The following PDE10A variants were observed in gnomAD, a reference collection of about 807,000 sequenced individuals.
PDE10A encodes cAMP and cAMP-inhibited cGMP 3',5'-cyclic phosphodiesterase 10A.
A neutral mutation model predicts 97.7 loss-of-function variants in PDE10A; 39 were observed. The observed-to-expected ratio is 0.40, with a 90% confidence interval of 0.31 to 0.52. PDE10A has a LOEUF of 0.52. PDE10A is among the 20% of genes least tolerant of loss of function. The pLI is 0.56. For missense variants in PDE10A, 731 were observed against 1,047.8 expected (o/e 0.70, Z 4.17); for synonymous variants, 371 against 376.8 (o/e 0.98, Z 0.18).
intron 1 of PDE10A, among the ~76,000 whole-genome samples, chr6:165,763,199 A>G (rs2128458366): frequency 6.6e-6 from 1 of 152,274 alleles, no homozygotes; most frequent in East Asian, 1.9e-4. Flanking sequence ...TGTATCATGT[A>G]ACTTTTTCAT....
intron 1 of PDE10A, among the ~76,000 whole-genome samples, chr6:165,710,170 C>CCCA (rs1187212480): frequency 1.3e-5 from 2 of 152,150 alleles, no homozygotes; most frequent in African/African-American, 4.8e-5. Context: ...ATGCTCTAAG[C>CCCA]CCACGCAGCA....
At chr6:165,943,329 A>AAAAG (rs746117595) in intron 1 of PDE10A, among the ~76,000 whole-genome samples, 2 of 65,982 alleles carry the variant, frequency 3.0e-5, no homozygotes, top group Admixed American at 2.5e-4. Context: ...GAAAGAAAGA[A>AAAAG]AAAGAAAGAA....
chr6:165,416,914 A>G (rs888633366), intron 11 of PDE10A, among the ~76,000 whole-genome samples: 3 of 152,216 alleles, frequency 2.0e-5, no homozygotes, highest in Non-Finnish European at 4.4e-5. Flanking sequence ...TGTTTTTTAT[A>G]TCTAATATCA....
intron 1 of PDE10A, among the ~76,000 whole-genome samples, chr6:165,923,690 C>A (rs572925253): frequency 2.9e-4 from 44 of 152,094 alleles, no homozygotes; most frequent in Non-Finnish European, 5.6e-4. Flanking sequence ...TCTCAATGAA[C>A]ATGGGAAGAG....
chr6:165,940,169 G>A (rs1041137898), intron 1 of PDE10A: 3 of 152,212 alleles, frequency 2.0e-5, no homozygotes, highest in Non-Finnish European at 4.4e-5. Flanking sequence ...TGTCCGCTTT[G>A]CATTCAGAAT....
intron 17 of PDE10A, among the ~76,000 whole-genome samples, chr6:165,384,647 TGTGTGTGTGTGTGTGTGTGTGTATG>T (rs1219290345): frequency 0.014 from 773 of 56,848 alleles, 44 homozygotes; most frequent in African/African-American, 0.062. Context: ...TGTGTGTGTG[TGTGTGTGTGTGTGTGTGTGTGTATG>T]GGGGGGGGCG....
chr6:165,958,592 A>G (rs1372262037), intron 1 of PDE10A, among the ~76,000 whole-genome samples: 1 of 143,234 alleles, frequency 7.0e-6, no homozygotes. Flanking sequence ...ACAGAAAGAG[A>G]GAAAGAAAGA....
At chr6:165,715,741 GCAAAGGACCCT>G (rs1265662832) in intron 1 of PDE10A, among the ~76,000 whole-genome samples, 2 of 152,212 alleles carry the variant, frequency 1.3e-5, no homozygotes, top group African/African-American at 4.8e-5. Flanking sequence ...TGCATAGAAA[GCAAAGGACCCT>G]CAATCACTCG....
At chr6:165,765,637 A>G (rs912268018) in intron 1 of PDE10A, among the ~76,000 whole-genome samples, 3 of 152,090 alleles carry the variant, frequency 2.0e-5, no homozygotes, top group African/African-American at 7.2e-5. Context: ...CAAGCGCCAC[A>G]TGCAGCCCCG....
At chr6:165,438,097 T>C (rs828083) in intron 5 of PDE10A, among the ~76,000 whole-genome samples, 30,161 of 152,220 alleles carry the variant, frequency 0.2, 3,270 homozygotes, top group Admixed American at 0.28. Context: ...TCAAGTAGGA[T>C]GTCATGGGCT....
chr6:165,850,496 A>G (rs2128474778), intron 1 of PDE10A, among the ~76,000 whole-genome samples: 1 of 152,258 alleles, frequency 6.6e-6, no homozygotes, highest in South Asian at 2.1e-4. Flanking sequence ...CACACGGTAA[A>G]ACCATATAAA....
chr6:165,978,152 A>G (rs553063281), intron 1 of PDE10A, among the ~76,000 whole-genome samples: 1 of 152,294 alleles, frequency 6.6e-6, no homozygotes, highest in African/African-American at 2.4e-5. Flanking sequence ...CTTGGTGTTT[A>G]TTTATGTTAA....
rs1583306721 is a variant in PDE10A at position 165,450,225 on chromosome 6, C to T, written c.1144+17G>A. On this transcript the variant is annotated intron_variant, in intron 4 of 21. Coordinates refer to ENST00000539869, the MANE Select transcript of PDE10A (RefSeq NM_001385079.1). ...CTTTGCCCATTTTTTCTAACAGGAA[C>T]ACAAAATGCTTCTTACCTATTTTAA... 2.6e-6 allele frequency: 4 copies of T among 1,517,698 alleles called. No individual in the cohort carries two copies. The highest frequency in any genetic ancestry group is 3.5e-6 in the Non-Finnish European group (4 of 1,129,220). 94.0% of individuals were successfully genotyped at this position (1,517,698 alleles called of 1,614,324 possible). A position where few individuals can be genotyped will look rare whatever the true frequency, so the allele number is the denominator to read the frequency against.
chr6:165,368,692 A>C (rs1431603524), intron 18 of PDE10A, among the ~76,000 whole-genome samples: 1 of 152,212 alleles, frequency 6.6e-6, no homozygotes, highest in Admixed American at 6.5e-5. Context: ...TTCAGACTTA[A>C]ATGTCCCTGT....
At chr6:165,450,471 T>C (rs1583307325) in intron 3 of PDE10A, 109 bp from the exon 4 acceptor site, 2 of 445,986 alleles carry the variant, frequency 4.5e-6, no homozygotes, top group Non-Finnish European at 7.8e-6. Flanking sequence ...TATACTAAGT[T>C]ATTCATTATG....
At chr6:165,362,650 A>C (rs1027352938) in intron 18 of PDE10A, among the ~76,000 whole-genome samples, 4 of 152,236 alleles carry the variant, frequency 2.6e-5, no homozygotes, top group African/African-American at 9.6e-5. Context: ...AGATGAATTA[A>C]TACAAATTCT....
At chr6:165,501,284 A>C (rs1247715385) in intron 2 of PDE10A, among the ~76,000 whole-genome samples, 2 of 152,172 alleles carry the variant, frequency 1.3e-5, no homozygotes, top group African/African-American at 4.8e-5. Flanking sequence ...TGAGGAGGCC[A>C]GGCGCAGTGG....
chr6:165,553,352 CAA>C (rs946601273), intron 1 of PDE10A, among the ~76,000 whole-genome samples: 1 of 151,920 alleles, frequency 6.6e-6, no homozygotes, highest in African/African-American at 2.4e-5. Flanking sequence ...TTGGTAGAAA[CAA>C]AGAGATGTTT....
At chr6:165,478,549 T>A (rs772747374) in intron 3 of PDE10A, among the ~76,000 whole-genome samples, 20 of 152,194 alleles carry the variant, frequency 1.3e-4, no homozygotes, top group Admixed American at 3.9e-4. Flanking sequence ...AGCCTGACTC[T>A]AGTATAGCAG....
Sources: allele counts gnomAD v4.1 joint callset (sites outside exome capture counted in the v4.1 genomes callset), GRCh38; gene constraint gnomAD v4.1.1; transcripts MANE v1.5; gene names NCBI Gene and HGNC (gene_info 2026-07-23, HGNC 2026-07-21).